SCAPER: variants seen among roughly 807,000 people sequenced by gnomAD.
The protein encoded by SCAPER is S-phase cyclin A associated protein in the ER, also known as S phase cyclin A-associated protein in the endoplasmic reticulum.
In SCAPER, 98 loss-of-function variants were observed where a neutral mutation model predicts 182.2. The observed-to-expected ratio is 0.54, with a 90% CI of 0.46 to 0.64. The LOEUF (loss-of-function observed/expected upper bound fraction) is 0.64, where lower values mean the gene tolerates loss of function less well. Ranked by LOEUF, SCAPER falls within the 30% of genes least tolerant of loss-of-function variation. The pLI, the probability that SCAPER is intolerant of heterozygous loss-of-function variation, is 0.00. For missense variants in SCAPER, 1,432 were observed against 1,690.0 expected (o/e 0.85, Z 2.68); for synonymous variants, 605 against 564.6 (o/e 1.07, Z -1.01).
intron 27 of SCAPER, among the ~76,000 whole-genome samples, chr15:76,397,821 C>T (rs1053557321): frequency 2.0e-5 from 3 of 152,098 alleles, no homozygotes; most frequent in African/African-American, 7.2e-5. Flanking sequence ...TGCTAATGGT[C>T]TGTTTTGGTT....
At chr15:76,791,802 G>A (rs190311031) in intron 8 of SCAPER, among the ~76,000 whole-genome samples, 27 of 152,088 alleles carry the variant, frequency 1.8e-4, no homozygotes, top group African/African-American at 5.3e-4. Context: ...TGGCCTTGGC[G>A]AACATTCTAG....
In SCAPER at chr15:76,614,640, A is replaced by AT. The variant is rs574644448; in HGVS notation, c.2711+7123dup. Among the ~76,000 whole-genome samples the AT allele has an allele frequency of 7.9e-5, 12 of 152,340 alleles. No homozygotes were observed. In the South Asian group the frequency reaches 2.1e-3, roughly 26 times the overall value. ...AGACAAATGAAAATGAAAGCACAAC[A>AT]TATCAAAATGCATGAGACACAGTGA... On this transcript the variant is annotated intron_variant, in intron 22 of 31. Coordinates refer to ENST00000563290, the MANE Select transcript of SCAPER (RefSeq NM_020843.4).
intron 21 of SCAPER, among the ~76,000 whole-genome samples, chr15:76,645,288 T>A (rs1476729424): frequency 6.6e-6 from 1 of 152,142 alleles, no homozygotes; most frequent in Non-Finnish European, 1.5e-5. Flanking sequence ...GTGTGATTTA[T>A]CCATTTTCAC....
At chr15:76,842,096 T>C (rs1324883362) in intron 4 of SCAPER, among the ~76,000 whole-genome samples, 165 bp from the exon 5 acceptor site, 1 of 152,164 alleles carries the variant, frequency 6.6e-6, no homozygotes, top group Non-Finnish European at 1.5e-5. Context: ...CTCTAAACAA[T>C]ACAGTATAAC....
chr15:76,609,704 A>T (rs1416496979), intron 22 of SCAPER, among the ~76,000 whole-genome samples: 1 of 152,182 alleles, frequency 6.6e-6, no homozygotes, highest in African/African-American at 2.4e-5. Context: ...ATCCTGTCAG[A>T]TTTTTGAAAG....
chr15:76,795,312 G>A lies in SCAPER; in HGVS notation c.740C>T (p.Pro247Leu), dbSNP rs750071922. 1.1e-5 allele frequency: 18 copies of A among 1,612,852 alleles called. No homozygotes were observed. The African/African-American group carries it at 2.3e-4, about 20-fold the overall frequency. ...SEITPAQSCP[P>L]MTVQKASRKN... Reference sequence around the variant, plus strand: ...GCGTGAGGCCTTCTGCACTGTCATTGGTGGGCAAGACTGGGCGGGTGTTAT... The same window carrying A: ...GCGTGAGGCCTTCTGCACTGTCATTAGTGGGCAAGACTGGGCGGGTGTTAT... The change falls in exon 8 of 32, where the codon CCA (proline) becomes CTA (leucine). Residue 247 changes from proline to leucine, a missense_variant. Physicochemically the swap from Pro to Leu is moderately conservative, Grantham distance 98. Transcript: ENST00000563290.
At chr15:76,713,805 G>A (rs911836989) in intron 17 of SCAPER, among the ~76,000 whole-genome samples, 2 of 151,912 alleles carry the variant, frequency 1.3e-5, no homozygotes, top group Non-Finnish European at 1.5e-5. Context: ...TTTAAAAAAA[G>A]TAAAGAAAAA....
chr15:76,534,712 C>T (rs975285949), intron 23 of SCAPER, among the ~76,000 whole-genome samples: 3 of 151,824 alleles, frequency 2.0e-5, no homozygotes, highest in Non-Finnish European at 4.4e-5. Context: ...TATAAAAGTC[C>T]GATAGGATGA....
At chr15:76,849,337 A>G (rs768520400) in intron 4 of SCAPER, among the ~76,000 whole-genome samples, 1 of 152,196 alleles carries the variant, frequency 6.6e-6, no homozygotes, top group African/African-American at 2.4e-5. Context: ...GAAGACCCAA[A>G]GTGCCTTATC....
chr15:76,514,542 A>C (rs1014375545), intron 23 of SCAPER, among the ~76,000 whole-genome samples: 1 of 152,188 alleles, frequency 6.6e-6, no homozygotes, highest in Non-Finnish European at 1.5e-5. Context: ...TCTGTAGACA[A>C]TAATTATGTT....
chr15:76,803,980 G>A (rs563891986), intron 6 of SCAPER, among the ~76,000 whole-genome samples: 2 of 152,256 alleles, frequency 1.3e-5, no homozygotes, highest in East Asian at 1.9e-4. Flanking sequence ...CTTTGATCTC[G>A]TATTATTCCC....
intron 8 of SCAPER, among the ~76,000 whole-genome samples, chr15:76,781,304 A>G (rs574358801): frequency 6.6e-6 from 1 of 152,338 alleles, no homozygotes; most frequent in South Asian, 2.1e-4. Flanking sequence ...TGAAGATCGA[A>G]TTAATAAAAC....
intron 20 of SCAPER, among the ~76,000 whole-genome samples, chr15:76,678,687 T>G (rs186544382): frequency 6.7e-6 from 1 of 149,394 alleles, no homozygotes; most frequent in Non-Finnish European, 1.5e-5. Flanking sequence ...GAAGGAAAAT[T>G]GGGAGAACAA....
chr15:76,487,807 C>G (rs933769112), intron 24 of SCAPER, among the ~76,000 whole-genome samples: 3 of 152,126 alleles, frequency 2.0e-5, no homozygotes, highest in Non-Finnish European at 4.4e-5. Context: ...GTATCTTGAT[C>G]CTTTGACTTA....
intron 30 of SCAPER, 93 bp from the exon 31 acceptor site, chr15:76,351,381 C>T: frequency 9.2e-7 from 1 of 1,081,298 alleles, no homozygotes. Context: ...TTCATGCAAC[C>T]ACTTTTGTAT....
At chr15:76,710,978 G>T (rs768218841) in intron 17 of SCAPER, among the ~76,000 whole-genome samples, 8 of 152,162 alleles carry the variant, frequency 5.3e-5, no homozygotes, top group Non-Finnish European at 7.4e-5. Flanking sequence ...GTTCAGTGGG[G>T]AAAGGATAAC....
intron 8 of SCAPER, among the ~76,000 whole-genome samples, chr15:76,776,773 A>G (rs2063770513): frequency 6.6e-6 from 1 of 152,162 alleles, no homozygotes; most frequent in African/African-American, 2.4e-5. Context: ...GAGGAAAGGA[A>G]GTGATGCAAG....
chr15:76,396,254 T>A (rs1596420215), intron 27 of SCAPER, among the ~76,000 whole-genome samples: 1 of 152,202 alleles, frequency 6.6e-6, no homozygotes, highest in South Asian at 2.1e-4. Context: ...AGTCAAGTAA[T>A]GTGATTCTTC....
At chr15:76,765,680 A>C in intron 11 of SCAPER, 42 bp from the exon 12 acceptor site, 1 of 1,431,486 alleles carries the variant, frequency 7.0e-7, no homozygotes, top group Non-Finnish European at 9.6e-7. Context: ...ATCTTTGAAC[A>C]CAATTACAAC....
Sources: allele counts gnomAD v4.1 joint callset (sites outside exome capture counted in the v4.1 genomes callset), GRCh38; gene constraint gnomAD v4.1.1; transcripts MANE v1.5; gene names NCBI Gene and HGNC (gene_info 2026-07-23, HGNC 2026-07-21).